Variants in TCF4 observed in about 807,000 individuals in gnomAD.
TCF4 encodes transcription factor 4.
In TCF4, 3 loss-of-function variants were observed where a neutral mutation model predicts 82.1. The ratio of observed to expected loss-of-function variants is 0.04; its 90% CI spans 0.02 to 0.09. The LOEUF (loss-of-function observed/expected upper bound fraction) is 0.09, where lower values mean the gene tolerates loss of function less well. TCF4 is among the 10% of genes least tolerant of loss of function. The pLI is 1.00. For missense variants in TCF4, 518 were observed against 852.7 expected (o/e 0.61, Z 4.89); for synonymous variants, 276 against 309.6 (o/e 0.89, Z 1.14).
In TCF4 at chr18:55,548,336, T is replaced by C. The variant is rs559003707; in HGVS notation, c.145+36944A>G. Among the ~76,000 whole-genome samples the C allele has an allele frequency of 2.6e-5, 4 of 152,332 alleles. No individual in the cohort carries two copies. In the East Asian group the frequency reaches 5.8e-4, roughly 22 times the overall value. On this transcript the variant is annotated intron_variant, in intron 3 of 19. Coordinates refer to ENST00000354452, the MANE Select transcript of TCF4 (RefSeq NM_001083962.2). ...TGATTTGCAAAATAATTACGTTCTG[T>C]AGCCACACAGATCTTGCCAAGAATG...
intron 14 of TCF4, among the ~76,000 whole-genome samples, chr18:55,256,243 A>G (rs1416282679): frequency 6.6e-6 from 1 of 152,178 alleles, no homozygotes; most frequent in Non-Finnish European, 1.5e-5. Flanking sequence ...AACAGAATGG[A>G]AGCTGTGGCC....
At chr18:55,533,959 G>A (rs2097093016) in intron 3 of TCF4, among the ~76,000 whole-genome samples, 1 of 152,174 alleles carries the variant, frequency 6.6e-6, no homozygotes, top group Non-Finnish European at 1.5e-5. Context: ...CAAAGGCTTA[G>A]GATCAGAAGT....
intron 17 of TCF4, chr18:55,230,628 T>G (rs1568318077): frequency 6.6e-6 from 1 of 152,216 alleles, no homozygotes; most frequent in Non-Finnish European, 1.5e-5. Flanking sequence ...TTTCACACAT[T>G]GGAAATGTTC....
chr18:55,548,999 T>C (rs2097233115), intron 3 of TCF4, among the ~76,000 whole-genome samples: 1 of 152,148 alleles, frequency 6.6e-6, no homozygotes, highest in Non-Finnish European at 1.5e-5. Context: ...GAATTTTTTT[T>C]TTCTTATTTT....
chr18:55,330,803 G>A (rs1412171750), intron 8 of TCF4, among the ~76,000 whole-genome samples: 1 of 152,016 alleles, frequency 6.6e-6, no homozygotes, highest in Non-Finnish European at 1.5e-5. Flanking sequence ...TCCTGACCTC[G>A]TGATCCGCCC....
At chr18:55,330,413 C>T (rs1484888618) in intron 8 of TCF4, among the ~76,000 whole-genome samples, 2 of 151,918 alleles carry the variant, frequency 1.3e-5, no homozygotes, top group Non-Finnish European at 2.9e-5. Flanking sequence ...CTCTTGACCT[C>T]GTGATCCGCC....
At chr18:55,316,012 T>C (rs1331278728) in intron 8 of TCF4, among the ~76,000 whole-genome samples, 5 of 152,072 alleles carry the variant, frequency 3.3e-5, no homozygotes, top group African/African-American at 1.2e-4. Context: ...GTTTGAAGTA[T>C]TAAGGGCTAA....
At chr18:55,473,030 T>C (rs1204518258) in intron 3 of TCF4, among the ~76,000 whole-genome samples, 1 of 152,214 alleles carries the variant, frequency 6.6e-6, no homozygotes, top group African/African-American at 2.4e-5. Flanking sequence ...TGTGTATTTT[T>C]CAAACCATAC....
rs139026619 is a variant in TCF4, at chr18:55,390,147, C to T, written c.369+13307G>A. On this transcript the variant is annotated intron_variant, in intron 6 of 19. Transcript: ENST00000354452. ...ATAAATCCAAACACATGTAAGAATA[C>T]GAATTTGGAAAGTGATAAATACTTC... is the stretch of plus-strand genomic sequence containing the variant. Among the ~76,000 whole-genome samples, 15 of 151,908 alleles carry T rather than the reference C, an allele frequency of 9.9e-5. No homozygotes were observed. The East Asian group carries it at 2.5e-3, about 26-fold the overall frequency.
chr18:55,462,298 A>G (rs896268594), intron 4 of TCF4, among the ~76,000 whole-genome samples: 4 of 152,168 alleles, frequency 2.6e-5, no homozygotes, highest in African/African-American at 9.7e-5. Context: ...GGCATTGCAT[A>G]ATGCTAATTA....
intron 2 of TCF4, 42 bp downstream of exon 2, chr18:55,587,002 GT>G (rs750111635): frequency 1.3e-6 from 2 of 1,576,108 alleles, no homozygotes; most frequent in East Asian, 4.5e-5. Context: ...TTTTTGTTTT[GT>G]TTTTTTCACA....
At chr18:55,505,803 CAAA>C (rs35471663) in intron 3 of TCF4, among the ~76,000 whole-genome samples, 8 of 83,106 alleles carry the variant, frequency 9.6e-5, no homozygotes, top group East Asian at 4.1e-4. Flanking sequence ...GACTCCGTCT[CAAA>C]AAAAAAAAAA....
At chr18:55,607,717 T>C (rs986700911) in intron 2 of TCF4, among the ~76,000 whole-genome samples, 1 of 152,218 alleles carries the variant, frequency 6.6e-6, no homozygotes, top group Admixed American at 6.5e-5. Flanking sequence ...GAAAAGGTTG[T>C]TGCGGATCCA....
intron 15 of TCF4, among the ~76,000 whole-genome samples, chr18:55,241,879 C>G (rs920855635): frequency 6.6e-6 from 1 of 152,242 alleles, no homozygotes; most frequent in African/African-American, 2.4e-5. Context: ...CTCTTGCTTG[C>G]TGTATGGATC....
intron 8 of TCF4, among the ~76,000 whole-genome samples, chr18:55,300,574 G>T (rs930524293): frequency 9.2e-5 from 14 of 152,134 alleles, no homozygotes; most frequent in African/African-American, 3.4e-4. Context: ...TGCAATTGCT[G>T]CAATCAAAAC....
chr18:55,395,551 T>C (rs549334329), intron 6 of TCF4, among the ~76,000 whole-genome samples: 1 of 152,340 alleles, frequency 6.6e-6, no homozygotes, highest in East Asian at 1.9e-4. Context: ...CCTATGCTCC[T>C]AGCACATATT....
intron 6 of TCF4, among the ~76,000 whole-genome samples, chr18:55,356,012 T>C (rs1212361448): frequency 6.6e-6 from 1 of 152,082 alleles, no homozygotes; most frequent in Admixed American, 6.6e-5. Flanking sequence ...ATGCAACTGC[T>C]CTAAACCATA....
intron 8 of TCF4, chr18:55,322,117 T>C (rs1452612190): frequency 9.3e-7 from 1 of 1,071,166 alleles, no homozygotes; most frequent in Non-Finnish European, 1.1e-6. Context: ...TTTTTTTTTT[T>C]TTTTTGTTTT....
At chr18:55,498,966 T>G (rs917322135) in intron 3 of TCF4, among the ~76,000 whole-genome samples, 8 of 152,164 alleles carry the variant, frequency 5.3e-5, no homozygotes, top group African/African-American at 1.9e-4. Flanking sequence ...AATACAAGAT[T>G]ACACTTATGG....
Sources: gnomAD v4.1 joint callset for allele counts (sites outside exome capture counted in the v4.1 genomes callset) on GRCh38, gnomAD v4.1.1 for gene constraint, MANE v1.5 for transcripts, NCBI Gene and HGNC (gene_info 2026-07-23, HGNC 2026-07-21) for gene names.